ITGB8: variants seen among roughly 807,000 people sequenced by gnomAD.
ITGB8 encodes integrin subunit beta 8.
Under a neutral mutation model 89.5 loss-of-function variants are expected in ITGB8, and 30 were observed. The ratio of observed to expected loss-of-function variants is 0.34; its 90% CI spans 0.25 to 0.45. The LOEUF is 0.45. Among genes scored for constraint, ITGB8 ranks in the 20% least tolerant of loss-of-function variants. The probability of loss-of-function intolerance (pLI) is 1.00; values close to 1 mark genes in which losing one functional copy is unlikely to be tolerated. For missense variants in ITGB8, 836 were observed against 933.3 expected (o/e 0.90, Z 1.36); for synonymous variants, 335 against 320.4 (o/e 1.05, Z -0.49).
At chr7:20,355,505 C>T (rs984839823) in intron 1 of ITGB8, among the ~76,000 whole-genome samples, 1 of 152,142 alleles carries the variant, frequency 6.6e-6, no homozygotes, top group Non-Finnish European at 1.5e-5. Context: ...TCCAAATACA[C>T]GTTCAGACTA....
At chr7:20,336,953 G>C in intron 1 of ITGB8, among the ~76,000 whole-genome samples, 1 of 152,200 alleles carries the variant, frequency 6.6e-6, no homozygotes, top group Non-Finnish European at 1.5e-5. Flanking sequence ...TGAACTTAGA[G>C]AAATAAAATT....
At chr7:20,390,971 GTA>G (rs1786830724) in intron 6 of ITGB8, among the ~76,000 whole-genome samples, 1 of 151,896 alleles carries the variant, frequency 6.6e-6, no homozygotes, top group Non-Finnish European at 1.5e-5. Flanking sequence ...ATGTGTATGT[GTA>G]TATATATGTT....
In ITGB8 at chr7:20,412,758, C is replaced by T. The variant is rs1284288323; in HGVS notation, c.*2761C>T. Reference sequence around the variant, plus strand: ...TTTTACTTGAATAATTGATATCTTCCTGTGTAATGATTTGTGAGATGAGAA... The same window carrying T: ...TTTTACTTGAATAATTGATATCTTCTTGTGTAATGATTTGTGAGATGAGAA... On this transcript the variant is annotated 3_prime_UTR_variant, in exon 14 of 14. Transcript: ENST00000222573. The T allele has an allele frequency of 6.6e-6, 1 of 152,382 alleles. No homozygotes were observed. The highest frequency in any genetic ancestry group is 2.4e-5 in the African/African-American group (1 of 41,350). The allele number at this position is 152,382 out of a possible 1,614,324, so 9.4% of individuals were successfully genotyped here. A position where few individuals can be genotyped will look rare whatever the true frequency, so the allele number is the denominator to read the frequency against.
intron 3 of ITGB8, among the ~76,000 whole-genome samples, chr7:20,369,683 A>G (rs1785850943): frequency 6.6e-6 from 1 of 152,232 alleles, no homozygotes; most frequent in Admixed American, 6.5e-5. Context: ...AGCCCATGGA[A>G]TATTTTTAGA....
chr7:20,347,280 G>A (rs776326170), intron 1 of ITGB8, among the ~76,000 whole-genome samples: 42 of 152,302 alleles, frequency 2.8e-4, no homozygotes, highest in Admixed American at 2.0e-3. Context: ...AATTCCAGGC[G>A]TTTTGTTTTG....
rs2127976419 is a variant in ITGB8, at chr7:20,394,916, A to G, written c.1077A>G (p.Pro359=). The part of the protein sequence containing the change: ...HWYKDLLPLL[P]GTIAGEIESK... ...TATAGGATCTTCTACCCCTCTTGCC[A>G]GGCACCATTGCTGGTGAAATAGAAT... The change falls in exon 8 of 14, where the codon CCA becomes CCG. Residue 359 remains proline, a synonymous_variant. Coordinates refer to ENST00000222573, the MANE Select transcript of ITGB8 (RefSeq NM_002214.3). 6.2e-7 allele frequency: 1 copy of G among 1,613,166 alleles called. No individual in the cohort carries two copies. The highest frequency in any genetic ancestry group is 8.5e-7 in the Non-Finnish European group (1 of 1,179,122).
chr7:20,409,589 C>T, intron 12 of ITGB8, 26 bp from the exon 13 acceptor site: 2 of 1,516,080 alleles, frequency 1.3e-6, no homozygotes, highest in South Asian at 2.4e-5. Context: ...AATTTTTAAT[C>T]CATTTATTTG....
At chr7:20,400,832 C>T (rs1787279211) in intron 9 of ITGB8, among the ~76,000 whole-genome samples, 1 of 152,124 alleles carries the variant, frequency 6.6e-6, no homozygotes, top group South Asian at 2.1e-4. Flanking sequence ...TTTCGAGTAA[C>T]ATCAGAGAAG....
intron 9 of ITGB8, among the ~76,000 whole-genome samples, chr7:20,401,227 C>T (rs540035183): frequency 5.3e-5 from 8 of 152,272 alleles, no homozygotes; most frequent in Non-Finnish European, 8.8e-5. Context: ...GATCCAACCG[C>T]CTAAGCCTCC....
chr7:20,353,206 A>C (rs938256476), intron 1 of ITGB8: 1 of 152,224 alleles, frequency 6.6e-6, no homozygotes, highest in Non-Finnish European at 1.5e-5. Context: ...AAGGTTGAAC[A>C]TGCTTGTTTG....
chr7:20,339,170 G>A (rs145555648), intron 1 of ITGB8, among the ~76,000 whole-genome samples: 1,448 of 138,356 alleles, frequency 0.01, 29 homozygotes, highest in African/African-American at 0.037. Flanking sequence ...CCAGCCTGGC[G>A]ACAGAGCGAG....
In ITGB8 at chr7:20,363,640, A is replaced by G; in HGVS notation, c.131A>G (p.Asp44Gly). Reference protein sequence around the residue: ...SLVLGLGQGEDNRCASSNAAS... With the variant: ...SLVLGLGQGEGNRCASSNAAS... The stretch of plus-strand genomic sequence containing the variant: ...ACTGTTTTCTCCTTCATTGCAGAAG[A>G]CAATAGATGTGCATCTTCAAATGCA... The change falls in exon 2 of 14, where the codon GAC becomes GGC. Residue 44 changes from aspartate to glycine, a missense_variant. By Grantham distance (94) the Asp-to-Gly change is moderately conservative. This residue lies in a region of ITGB8 where 182 missense variants were observed against 177.0 expected (regional missense o/e 1.03). Transcript: ENST00000222573. 1.3e-6 allele frequency: 2 copies of G among 1,573,186 alleles called. No homozygotes were observed. The highest frequency in any genetic ancestry group is 1.9e-5 in the Admixed American group (1 of 51,622).
intron 1 of ITGB8, among the ~76,000 whole-genome samples, chr7:20,340,274 G>C (rs1035091892): frequency 2.0e-4 from 30 of 152,302 alleles, no homozygotes; most frequent in African/African-American, 7.2e-4. Flanking sequence ...TTATTCTAGA[G>C]GATTGCCAAA....
chr7:20,404,018 A>G (rs1365403323), intron 10 of ITGB8, among the ~76,000 whole-genome samples: 1 of 152,116 alleles, frequency 6.6e-6, no homozygotes, highest in African/African-American at 2.4e-5. Context: ...TTTTTCATTT[A>G]CCATCTAAGA....
chr7:20,382,973 C>T (rs977685450), intron 6 of ITGB8, among the ~76,000 whole-genome samples: 1 of 152,164 alleles, frequency 6.6e-6, no homozygotes, highest in Non-Finnish European at 1.5e-5. Context: ...TCATTGGTAC[C>T]TGATACATGC....
In ITGB8 at chr7:20,410,813, G is replaced by A. The variant is rs1237931635; in HGVS notation, c.*816G>A. 1 of 152,612 alleles carries A rather than the reference G, an allele frequency of 6.6e-6. No individual in the cohort carries two copies. The highest frequency in any genetic ancestry group is 1.5e-5 in the Non-Finnish European group (1 of 68,022). The allele number at this position is 152,612 out of a possible 1,614,324, so 9.5% of individuals were successfully genotyped here. ...GAATGTTAATAGGGGACACTGTAAA[G>A]TATCATCAAAACCTGAATAGCTTCA... is the stretch of plus-strand genomic sequence containing the variant. On this transcript the variant is annotated 3_prime_UTR_variant, in exon 14 of 14. Coordinates refer to ENST00000222573, the MANE Select transcript of ITGB8 (RefSeq NM_002214.3).
At position 20,381,785 on chromosome 7, in the gene ITGB8, C is replaced by T. The variant is rs775311931; in HGVS notation, c.860C>T (p.Thr287Met). Residue 287 changes from threonine (T) to methionine (M), a missense_variant, in exon 6 of 14, where the codon ACG (threonine) becomes ATG (methionine). Thr to Met is a moderately conservative substitution (Grantham distance 81). Coordinates refer to ENST00000222573, the MANE Select transcript of ITGB8 (RefSeq NM_002214.3). ...TTGCTGCTGGTGATGACAGATCAGA[C>T]GTCTCATCTCGCTCTTGATAGCAAA... The part of the protein sequence containing the change: ...KRLLLVMTDQ[T>M]SHLALDSKLA... The T allele has an allele frequency of 2.5e-6, 4 of 1,613,638 alleles. No individual in the cohort carries two copies. The highest frequency in any genetic ancestry group is 1.7e-6 in the Non-Finnish European group (2 of 1,179,574).
chr7:20,351,144 T>C (rs1785100276), intron 1 of ITGB8, among the ~76,000 whole-genome samples: 1 of 152,238 alleles, frequency 6.6e-6, no homozygotes, highest in South Asian at 2.1e-4. Context: ...AGAAAAGTAA[T>C]GACATACTAC....
At chr7:20,383,470 T>C (rs1786483583) in intron 6 of ITGB8, among the ~76,000 whole-genome samples, 1 of 152,166 alleles carries the variant, frequency 6.6e-6, no homozygotes, top group Non-Finnish European at 1.5e-5. Flanking sequence ...AATTTATTTA[T>C]TGGGGAGTAG....
Sources: gnomAD v4.1 joint callset for allele counts (sites outside exome capture counted in the v4.1 genomes callset) on GRCh38, gnomAD v4.1.1 for gene constraint, gnomAD v4.1.1 regional missense constraint, MANE v1.5 for transcripts, NCBI Gene and HGNC (gene_info 2026-07-23, HGNC 2026-07-21) for gene names.